ASPH: variants seen among roughly 807,000 people sequenced by gnomAD.
ASPH encodes the protein aspartate beta-hydroxylase, also known as aspartyl/asparaginyl beta-hydroxylase.
In ASPH, 100 loss-of-function variants were observed where a neutral mutation model predicts 118.4. That is an observed-to-expected ratio of 0.84 (90% CI 0.72 to 1.00). The LOEUF is 1.00. ASPH is among the 50% of genes least tolerant of loss of function. The probability of loss-of-function intolerance (pLI) is 0.00; values close to 1 mark genes in which losing one functional copy is unlikely to be tolerated. For missense variants in ASPH, 920 were observed against 919.5 expected, an observed-to-expected ratio of 1.00 and a Z score of -0.01; for synonymous variants, 315 against 325.6, an observed-to-expected ratio of 0.97 and a Z score of 0.35.
At chr8:61,558,720 G>A (rs1260561843) in intron 18 of ASPH, among the ~76,000 whole-genome samples, 4 of 152,168 alleles carry the variant, frequency 2.6e-5, no homozygotes, top group Non-Finnish European at 5.9e-5. Context: ...GTTTATATGC[G>A]AATGTGTAAT....
chr8:61,502,889 G>A lies in ASPH; in HGVS notation c.*470C>T, dbSNP rs1805178732. 6.6e-6 allele frequency: 1 copy of A among 152,358 alleles called. No homozygotes were observed. Among genetic ancestry groups the A allele is most frequent in the Non-Finnish European group, 1.5e-5 (1 of 68,068 alleles). The allele number at this position is 152,358 out of a possible 1,614,324, so 9.4% of individuals were successfully genotyped here. A position where few individuals can be genotyped will look rare whatever the true frequency, so the allele number is the denominator to read the frequency against. Reference sequence around the variant, plus strand: ...TAATGCTACCATTAAATAGCTAGAAGTAAAGCATTTATACAGCTTGTCATT... The same window carrying A: ...TAATGCTACCATTAAATAGCTAGAAATAAAGCATTTATACAGCTTGTCATT... On this transcript the variant is annotated 3_prime_UTR_variant, in exon 25 of 25. Transcript: ENST00000379454.
intron 5 of ASPH, among the ~76,000 whole-genome samples, chr8:61,649,133 C>T (rs1458598828): frequency 6.6e-6 from 1 of 152,138 alleles, no homozygotes; most frequent in Non-Finnish European, 1.5e-5. Context: ...CTGGATGCTA[C>T]TGTGCTACTG....
In ASPH at chr8:61,501,118, C is replaced by T. The variant is rs1240498232; in HGVS notation, c.*2241G>A. On this transcript the variant is annotated 3_prime_UTR_variant, in exon 25 of 25. Coordinates refer to ENST00000379454, the MANE Select transcript of ASPH (RefSeq NM_004318.4). ...TTAAACTAATTCATTTTTGTGTAGA[C>T]ATACGAAATCACAAAAATAATAACA... 6.6e-6 allele frequency: 1 copy of T among 152,030 alleles called. No individual in the cohort carries two copies. Among genetic ancestry groups the T allele is most frequent in the Admixed American group, 6.5e-5 (1 of 15,268 alleles). The allele number at this position is 152,030 out of a possible 1,614,324, so 9.4% of individuals were successfully genotyped here. A position where few individuals can be genotyped will look rare whatever the true frequency, so the allele number is the denominator to read the frequency against.
At chr8:61,570,906 A>G (rs1163529421) in intron 16 of ASPH, among the ~76,000 whole-genome samples, 1 of 152,214 alleles carries the variant, frequency 6.6e-6, no homozygotes, top group Admixed American at 6.5e-5. Flanking sequence ...TTTGTGTCCA[A>G]TGTTCAGGGA....
At chr8:61,709,752 T>G (rs1837624728) in intron 1 of ASPH, among the ~76,000 whole-genome samples, 1 of 152,232 alleles carries the variant, frequency 6.6e-6, no homozygotes, top group South Asian at 2.1e-4. Flanking sequence ...AAACAGTGGC[T>G]GGAGTTACCT....
intron 3 of ASPH, chr8:61,665,046 T>C: frequency 7.7e-7 from 1 of 1,303,928 alleles, no homozygotes; most frequent in Non-Finnish European, 9.7e-7. Flanking sequence ...TCATATTCTA[T>C]GACATTTTTA....
At chr8:61,713,852 C>T (rs1838679814) in intron 1 of ASPH, among the ~76,000 whole-genome samples, 1 of 152,236 alleles carries the variant, frequency 6.6e-6, no homozygotes, top group Non-Finnish European at 1.5e-5. Flanking sequence ...CTCTGAAACG[C>T]TGCTGGTTAG....
chr8:61,563,462 G>A (rs558890627), intron 17 of ASPH, among the ~76,000 whole-genome samples: 2 of 152,192 alleles, frequency 1.3e-5, no homozygotes, highest in South Asian at 2.1e-4. Flanking sequence ...TACTTTGCAC[G>A]CATGAATCAT....
In ASPH at chr8:61,512,174, G is replaced by A. The variant is rs1347932454; in HGVS notation, c.2126+5354C>T. ...CTGAACCCACTACTAATATTGTAGT[G>A]GGCTGAATGTCCCCATAAGCCGCCC... On this transcript the variant is annotated intron_variant, in intron 24 of 24. Coordinates refer to ENST00000379454, the MANE Select transcript of ASPH (RefSeq NM_004318.4). Among the ~76,000 whole-genome samples, 4 of 152,092 alleles carry A rather than the reference G, an allele frequency of 2.6e-5. No individual in the cohort carries two copies. In the South Asian group the frequency reaches 8.3e-4, roughly 32 times the overall value.
intron 20 of ASPH, 87 bp from the exon 21 acceptor site, chr8:61,548,295 G>A (rs1824635627): frequency 7.2e-7 from 1 of 1,393,666 alleles, no homozygotes; most frequent in Non-Finnish European, 9.5e-7. Flanking sequence ...TAAAAATAAG[G>A]TATTACTTTG....
chr8:61,532,434 C>T (rs1425607083), intron 21 of ASPH, among the ~76,000 whole-genome samples: 2 of 152,042 alleles, frequency 1.3e-5, no homozygotes, highest in African/African-American at 4.8e-5. Context: ...GGTTATTAAC[C>T]CCTTATCAGA....
At chr8:61,582,539 G>A (rs375167578) in intron 15 of ASPH, among the ~76,000 whole-genome samples, 7 of 152,226 alleles carry the variant, frequency 4.6e-5, no homozygotes, top group Admixed American at 2.0e-4. Context: ...CTATCAGAAA[G>A]TAGGAATCAT....
chr8:61,552,064 GATGATTCC>G (rs1235734694), intron 20 of ASPH, among the ~76,000 whole-genome samples: 1 of 152,190 alleles, frequency 6.6e-6, no homozygotes, highest in Non-Finnish European at 1.5e-5. Context: ...CAATTCCCCA[GATGATTCC>G]ATGTTCTTAC....
intron 14 of ASPH, among the ~76,000 whole-genome samples, chr8:61,595,293 A>T (rs1357908558): frequency 3.3e-5 from 5 of 152,232 alleles, no homozygotes. Flanking sequence ...GAAATAGTTA[A>T]GTTTACTTGA....
At chr8:61,607,389 A>C in intron 14 of ASPH, 1 of 626,036 alleles carries the variant, frequency 1.6e-6, no homozygotes, top group Non-Finnish European at 2.9e-6. Context: ...ATACACGCTG[A>C]CTTTTAAAAA....
intron 15 of ASPH, among the ~76,000 whole-genome samples, chr8:61,577,213 T>A (rs953136342): frequency 2.0e-5 from 3 of 151,930 alleles, no homozygotes; most frequent in East Asian, 3.9e-4. Flanking sequence ...CATTAGGAGA[T>A]ATACCTAATG....
At chr8:61,692,659 G>T (rs1046454972) in intron 1 of ASPH, among the ~76,000 whole-genome samples, 3 of 152,054 alleles carry the variant, frequency 2.0e-5, no homozygotes, top group South Asian at 2.1e-4. Flanking sequence ...CCTCACCCCG[G>T]ATCAGCTATC....
At chr8:61,698,656 T>C (rs1834504715) in intron 1 of ASPH, among the ~76,000 whole-genome samples, 1 of 152,186 alleles carries the variant, frequency 6.6e-6, no homozygotes, top group African/African-American at 2.4e-5. Context: ...CTTCTAACGA[T>C]GCCTTTGTCT....
chr8:61,517,373 A>G, intron 24 of ASPH, 155 bp downstream of exon 24: 2 of 1,083,262 alleles, frequency 1.8e-6, no homozygotes, highest in Non-Finnish European at 2.6e-6. Context: ...AAGCACCAAG[A>G]AGGGATATAG....
Sources: gnomAD v4.1 joint callset for allele counts (sites outside exome capture counted in the v4.1 genomes callset) on GRCh38, gnomAD v4.1.1 for gene constraint, MANE v1.5 for transcripts, NCBI Gene and HGNC (gene_info 2026-07-23, HGNC 2026-07-21) for gene names.